The following ITGA6 variants were observed in gnomAD, a reference collection of about 807,000 sequenced individuals.
ITGA6 encodes integrin alpha-6.
A neutral mutation model predicts 133.6 loss-of-function variants in ITGA6; 63 were observed. The ratio of observed to expected loss-of-function variants is 0.47; its 90% CI spans 0.38 to 0.58. The LOEUF is 0.58. ITGA6 is among the 20% of genes least tolerant of loss of function. The pLI is 0.00. For synonymous variants in ITGA6, 434 were observed against 482.0 expected, an observed-to-expected ratio of 0.90 and a Z score of 1.30; for missense variants, 1,068 against 1,309.4, an observed-to-expected ratio of 0.82 and a Z score of 2.85.
intron 1 of ITGA6, among the ~76,000 whole-genome samples, chr2:172,440,695 A>G (rs190866488): frequency 2.6e-5 from 4 of 152,340 alleles, no homozygotes; most frequent in Non-Finnish European, 2.9e-5. Context: ...AAGGACTGCT[A>G]TGAGTTGAAT....
chr2:172,499,619 T>A (rs564455573), intron 24 of ITGA6, among the ~76,000 whole-genome samples: 2 of 152,146 alleles, frequency 1.3e-5, no homozygotes, highest in African/African-American at 4.8e-5. Flanking sequence ...GCCTTGGCCT[T>A]CCAAATTGTT....
At chr2:172,498,662 A>T (rs1308967759) in intron 24 of ITGA6, among the ~76,000 whole-genome samples, 1 of 152,250 alleles carries the variant, frequency 6.6e-6, no homozygotes, top group African/African-American at 2.4e-5. Flanking sequence ...CTTTGACTGT[A>T]AATAAAATGT....
Position 172,504,261 on chromosome 2 carries a change from T to TA in ITGA6, c.*204dup, listed in dbSNP as rs763078142. 16,098 of 1,174,310 alleles carry TA rather than the reference T, an allele frequency of 0.014. 84 individuals carry two copies. The highest frequency in any genetic ancestry group is 0.079 in the African/African-American group (4,864 of 61,334). 72.7% of individuals were successfully genotyped at this position (1,174,310 alleles called of 1,614,324 possible). A position where few individuals can be genotyped will look rare whatever the true frequency, so the allele number is the denominator to read the frequency against. Reference sequence around the variant, plus strand: ...ATGAAAGCTACTCATAGCGGGGGCCTAAAAAAAAAAAGCTTCACAGTACCC... The same window carrying TA: ...ATGAAAGCTACTCATAGCGGGGGCCTAAAAAAAAAAAAGCTTCACAGTACCC... On this transcript the variant is annotated 3_prime_UTR_variant, in exon 26 of 26. Transcript: ENST00000684293.
In ITGA6 at chr2:172,427,758, G is replaced by A; in HGVS notation, c.-31G>A. On this transcript the variant is annotated 5_prime_UTR_variant, in exon 1 of 26. Coordinates refer to ENST00000684293, the MANE Select transcript of ITGA6 (RefSeq NM_000210.4). ...CCCGGAGCGCAGGGCGGCCGCTGCA[G>A]GTCCCCGCTCCCCTCCCCGTGCGTC... The A allele has an allele frequency of 6.5e-7, 1 of 1,548,992 alleles. No homozygotes were observed.
chr2:172,428,723 A>C (rs879917137), intron 1 of ITGA6: 2 of 151,968 alleles, frequency 1.3e-5, no homozygotes, highest in African/African-American at 2.4e-5. Flanking sequence ...GTTAAAGCAA[A>C]ATGTCCGATC....
At chr2:172,473,716 T>C (rs563632106) in intron 5 of ITGA6, among the ~76,000 whole-genome samples, 3 of 152,354 alleles carry the variant, frequency 2.0e-5, no homozygotes, top group South Asian at 2.1e-4. Context: ...GACAATTCAG[T>C]ATCTAGCTTG....
intron 1 of ITGA6, among the ~76,000 whole-genome samples, chr2:172,438,790 C>A (rs533876640): frequency 6.6e-6 from 1 of 151,866 alleles, no homozygotes; most frequent in East Asian, 1.9e-4. Context: ...GCAGAGGTTA[C>A]CCTTTGGGGG....
intron 9 of ITGA6, among the ~76,000 whole-genome samples, chr2:172,478,120 G>A (rs1686258591): frequency 6.6e-6 from 1 of 152,094 alleles, no homozygotes; most frequent in African/African-American, 2.4e-5. Context: ...TTTTAAATAT[G>A]CTCTCAAAAC....
rs1272344217 is a variant in ITGA6 at position 172,506,280 on chromosome 2, A to G, written c.*2212A>G. On this transcript the variant is annotated 3_prime_UTR_variant, in exon 26 of 26. Transcript: ENST00000684293. ...CCTGAATTATCTATTTCATCAAACCAAAGTTCAGTGTTTTTATTTTTGGTG... is the reference window on the plus strand; with the variant it reads ...CCTGAATTATCTATTTCATCAAACCGAAGTTCAGTGTTTTTATTTTTGGTG... 1 of 152,664 alleles carries G rather than the reference A, an allele frequency of 6.6e-6. No homozygotes were observed. The highest frequency in any genetic ancestry group is 1.5e-5 in the Non-Finnish European group (1 of 68,040). 9.5% of individuals were successfully genotyped at this position (152,664 alleles called of 1,614,324 possible).
chr2:172,449,001 T>C (rs935329231), intron 1 of ITGA6, among the ~76,000 whole-genome samples: 1 of 151,892 alleles, frequency 6.6e-6, no homozygotes, highest in Non-Finnish European at 1.5e-5. Flanking sequence ...TAATTGACAG[T>C]GTTTATGGGG....
chr2:172,456,532 A>G (rs1247209526), intron 1 of ITGA6, among the ~76,000 whole-genome samples: 1 of 152,228 alleles, frequency 6.6e-6, no homozygotes, highest in African/African-American at 2.4e-5. Context: ...AACAGGTATG[A>G]TCCAGGACTG....
rs768432737 is a variant in ITGA6 at position 172,465,461 on chromosome 2, A to G, written c.183-78A>G. The G allele has an allele frequency of 9.2e-6, 14 of 1,521,064 alleles. 1 individual carries two copies. Among genetic ancestry groups the G allele is most frequent in the Middle Eastern group, 1.8e-4 (1 of 5,536 alleles). The allele number at this position is 1,521,064 out of a possible 1,614,324, so 94.2% of individuals were successfully genotyped here. ...CTCCTAGACAAAGAATAATCCCACT[A>G]TCTCCTAGTTCTGACTGATTTAACT... On this transcript the variant is annotated intron_variant, in intron 1 of 25. Coordinates refer to ENST00000684293, the MANE Select transcript of ITGA6 (RefSeq NM_000210.4).
intron 1 of ITGA6, among the ~76,000 whole-genome samples, chr2:172,441,138 G>A (rs924853204): frequency 2.6e-5 from 4 of 152,058 alleles, no homozygotes; most frequent in African/African-American, 7.2e-5. Context: ...TAATTTCTCC[G>A]TTGCTCTCAT....
chr2:172,490,641 T>C (rs1686882242), intron 20 of ITGA6, among the ~76,000 whole-genome samples: 1 of 152,252 alleles, frequency 6.6e-6, no homozygotes, highest in African/African-American at 2.4e-5. Flanking sequence ...GTGTCACTTA[T>C]TCCTTCAAGA....
chr2:172,460,155 A>G (rs1334059208), intron 1 of ITGA6, among the ~76,000 whole-genome samples: 1 of 152,262 alleles, frequency 6.6e-6, no homozygotes, highest in African/African-American at 2.4e-5. Flanking sequence ...AAGGAAAATC[A>G]GAATACAGTT....
intron 1 of ITGA6, among the ~76,000 whole-genome samples, chr2:172,463,548 C>T (rs900270807): frequency 6.6e-6 from 1 of 152,186 alleles, no homozygotes; most frequent in East Asian, 1.9e-4. Context: ...GGTTTTACTT[C>T]CTAAGCAGCT....
intron 4 of ITGA6, among the ~76,000 whole-genome samples, 170 bp downstream of exon 4, chr2:172,469,550 A>G (rs985258807): frequency 3.3e-5 from 5 of 152,226 alleles, no homozygotes; most frequent in South Asian, 2.1e-4. Flanking sequence ...TAATAGTGGA[A>G]TATATGTTTT....
chr2:172,455,001 T>TA (rs989057820), intron 1 of ITGA6, among the ~76,000 whole-genome samples: 15 of 151,454 alleles, frequency 9.9e-5, no homozygotes, highest in African/African-American at 2.4e-5. Context: ...AAATAAAAGT[T>TA]AAAAAAAAGC....
chr2:172,448,846 A>G (rs1684872715), intron 1 of ITGA6, among the ~76,000 whole-genome samples: 1 of 152,232 alleles, frequency 6.6e-6, no homozygotes, highest in Admixed American at 6.5e-5. Context: ...GGTTACAAAA[A>G]AAAGCAGGAT....
Sources: allele counts gnomAD v4.1 joint callset (sites outside exome capture counted in the v4.1 genomes callset), GRCh38; gene constraint gnomAD v4.1.1; transcripts MANE v1.5; gene names NCBI Gene and HGNC (gene_info 2026-07-23, HGNC 2026-07-21).